NAA25: variants seen among roughly 807,000 people sequenced by gnomAD.
NAA25 encodes the protein N-alpha-acetyltransferase 25, NatB auxiliary subunit, also known as N-terminal acetyltransferase B complex subunit NAA25.
A neutral mutation model predicts 132.5 loss-of-function variants in NAA25; 30 were observed. The ratio of observed to expected loss-of-function variants is 0.23; its 90% CI spans 0.17 to 0.31. The LOEUF (loss-of-function observed/expected upper bound fraction) is 0.31. NAA25 is among the 10% of genes least tolerant of loss of function. NAA25 has a pLI of 1.00. For missense variants in NAA25, 771 were observed against 1,150.4 expected (o/e 0.67, Z 4.77); for synonymous variants, 359 against 401.9 (o/e 0.89, Z 1.28).
intron 15 of NAA25, among the ~76,000 whole-genome samples, chr12:112,052,291 C>G (rs1314805592): frequency 6.6e-6 from 1 of 152,136 alleles, no homozygotes; most frequent in Non-Finnish European, 1.5e-5. Context: ...GACCTCTAAG[C>G]CAGGCCAGCA....
At chr12:112,107,844 G>A (rs1335674324) in intron 1 of NAA25, among the ~76,000 whole-genome samples, 1 of 152,198 alleles carries the variant, frequency 6.6e-6, no homozygotes, top group East Asian at 1.9e-4. Flanking sequence ...ACACATTTCG[G>A]TTATTGGAAA....
chr12:112,035,849 T>C (rs1193097123), intron 22 of NAA25, among the ~76,000 whole-genome samples: 1 of 151,962 alleles, frequency 6.6e-6, no homozygotes, highest in Non-Finnish European at 1.5e-5. Context: ...GCCCAACTAA[T>C]TTTTAAAAAT....
intron 17 of NAA25, 96 bp from the exon 18 acceptor site, chr12:112,043,964 G>C (rs1192580492): frequency 7.7e-7 from 1 of 1,301,446 alleles, no homozygotes; most frequent in Non-Finnish European, 1.0e-6. Flanking sequence ...GTCTTGATCT[G>C]TCGCCCAGGC....
intron 17 of NAA25, among the ~76,000 whole-genome samples, chr12:112,045,101 G>C (rs546286263): frequency 6.6e-6 from 1 of 152,020 alleles, no homozygotes; most frequent in South Asian, 2.1e-4. Context: ...GTAAAACGTA[G>C]AAAAGGTGCC....
intron 1 of NAA25, among the ~76,000 whole-genome samples, chr12:112,105,336 C>T (rs1253042345): frequency 3.9e-5 from 6 of 152,088 alleles, no homozygotes; most frequent in African/African-American, 1.4e-4. Context: ...GGCACTGGGG[C>T]TTACCAAGTC....
chr12:112,069,019 T>C (rs1352651815), intron 10 of NAA25, 27 bp from the exon 11 acceptor site: 11 of 1,283,594 alleles, frequency 8.6e-6, no homozygotes, highest in South Asian at 6.2e-5. Context: ...AAAATCACTT[T>C]ATTACTCATG....
chr12:112,045,825 A>G (rs965978877), intron 17 of NAA25, among the ~76,000 whole-genome samples: 3 of 152,196 alleles, frequency 2.0e-5, no homozygotes, highest in African/African-American at 7.2e-5. Flanking sequence ...AATAATACTT[A>G]CACAACTTAA....
intron 9 of NAA25, among the ~76,000 whole-genome samples, chr12:112,073,497 C>T (rs2136890869): frequency 6.6e-6 from 1 of 152,200 alleles, no homozygotes; most frequent in Admixed American, 6.5e-5. Flanking sequence ...AGTGCAGTGG[C>T]ACGATCTCGG....
chr12:112,029,373 A>G lies in NAA25; in HGVS notation c.*158T>C, dbSNP rs979236923. Reference sequence around the variant, plus strand: ...TATATACAATAATTTAATCAGTTGTATATATTTAACACCTAAAAAAATTCA... The same window carrying G: ...TATATACAATAATTTAATCAGTTGTGTATATTTAACACCTAAAAAAATTCA... On this transcript the variant is annotated 3_prime_UTR_variant, in exon 24 of 24. Coordinates refer to ENST00000261745, the MANE Select transcript of NAA25 (RefSeq NM_024953.4). 2 of 1,145,390 alleles carry G rather than the reference A, an allele frequency of 1.7e-6. No homozygotes were observed. The highest frequency in any genetic ancestry group is 1.6e-5 in the African/African-American group (1 of 64,040). The allele number at this position is 1,145,390 out of a possible 1,614,324, so 71.0% of individuals were successfully genotyped here. A position where few individuals can be genotyped will look rare whatever the true frequency, so the allele number is the denominator to read the frequency against.
rs1477518424 is a variant in NAA25 at position 112,087,675 on chromosome 12, C to A, written c.402+8G>T. ...CCCATAGCCCAGTAGGTTTGGGGATCAAATTACCTGTTGCATTTTCTTGTA... is the reference window on the plus strand; with the variant it reads ...CCCATAGCCCAGTAGGTTTGGGGATAAAATTACCTGTTGCATTTTCTTGTA... On this transcript the variant is annotated splice_region_variant and intron_variant, in intron 4 of 23. Transcript: ENST00000261745. The A allele has an allele frequency of 2.5e-6, 4 of 1,599,642 alleles. No homozygotes were observed. In the South Asian group the frequency reaches 3.3e-5, roughly 13 times the overall value.
At chr12:112,101,534 A>G (rs1299009330) in intron 1 of NAA25, among the ~76,000 whole-genome samples, 3 of 152,086 alleles carry the variant, frequency 2.0e-5, no homozygotes, top group Admixed American at 6.6e-5. Flanking sequence ...AGGAAGGTGG[A>G]TTGCTTGAGG....
At chr12:112,085,162 G>A (rs921066321) in intron 4 of NAA25, among the ~76,000 whole-genome samples, 15 of 151,890 alleles carry the variant, frequency 9.9e-5, no homozygotes, top group African/African-American at 3.4e-4. Context: ...CCCAGGAGGC[G>A]GAGGTTGCAG....
chr12:112,054,657 A>ACC (rs143230855), intron 13 of NAA25, 89 bp from the exon 14 acceptor site: 3 of 1,135,394 alleles, frequency 2.6e-6, no homozygotes, highest in South Asian at 1.7e-5. Context: ...TGACATCATC[A>ACC]CCCCCCCCAA....
chr12:112,052,245 G>T (rs1012814279), intron 15 of NAA25, among the ~76,000 whole-genome samples: 5 of 152,128 alleles, frequency 3.3e-5, no homozygotes, highest in Non-Finnish European at 5.9e-5. Context: ...ATCCATGCTA[G>T]GTTTTAGAAA....
At chr12:112,048,179 T>A in intron 16 of NAA25, 113 bp downstream of exon 16, 1 of 1,000,134 alleles carries the variant, frequency 1.0e-6, no homozygotes. Flanking sequence ...TCTCTCTCCC[T>A]TTTTTCCCCC....
intron 4 of NAA25, 127 bp downstream of exon 4, chr12:112,087,556 T>A (rs762325047): frequency 1.1e-4 from 73 of 648,844 alleles, no homozygotes; most frequent in Non-Finnish European, 2.7e-5. Context: ...CTGACTGACC[T>A]CCACACAGAA....
intron 1 of NAA25, among the ~76,000 whole-genome samples, chr12:112,096,680 T>G (rs2079217178): frequency 6.6e-6 from 1 of 152,206 alleles, no homozygotes; most frequent in African/African-American, 2.4e-5. Flanking sequence ...CCAGTTTTCT[T>G]AAATCCTTAG....
Position 112,029,415 on chromosome 12 carries a change from T to C in NAA25, c.*116A>G, listed in dbSNP as rs527922022. On this transcript the variant is annotated 3_prime_UTR_variant, in exon 24 of 24. Coordinates refer to ENST00000261745, the MANE Select transcript of NAA25 (RefSeq NM_024953.4). ...AAAAATTCACGATCAAAGTCCTTCA[T>C]GCATTTTATGAGGAAGTTCTGGATT... 3 of 1,506,358 alleles carry C rather than the reference T, an allele frequency of 2.0e-6. No homozygotes were observed. The highest frequency in any genetic ancestry group is 2.8e-5 in the African/African-American group (2 of 71,858). 93.3% of individuals were successfully genotyped at this position (1,506,358 alleles called of 1,614,324 possible). A position where few individuals can be genotyped will look rare whatever the true frequency, so the allele number is the denominator to read the frequency against.
chr12:112,055,537 A>G (rs2078532186), intron 13 of NAA25, among the ~76,000 whole-genome samples: 1 of 152,018 alleles, frequency 6.6e-6, no homozygotes, highest in African/African-American at 2.4e-5. Flanking sequence ...TCTACTAAAA[A>G]CATTTTTGAA....
Sources: gnomAD v4.1 joint callset for allele counts (sites outside exome capture counted in the v4.1 genomes callset) on GRCh38, gnomAD v4.1.1 for gene constraint, MANE v1.5 for transcripts, NCBI Gene and HGNC (gene_info 2026-07-23, HGNC 2026-07-21) for gene names.